KCNN2: variants seen among roughly 807,000 people sequenced by gnomAD.
KCNN2 encodes the protein potassium calcium-activated channel subfamily N member 2.
In KCNN2, 24 loss-of-function variants were observed where a neutral mutation model predicts 55.5. The observed-to-expected ratio is 0.43, with a 90% CI of 0.31 to 0.61. The LOEUF (loss-of-function observed/expected upper bound fraction) is 0.61, where lower values mean the gene tolerates loss of function less well. KCNN2 is among the 20% of genes least tolerant of loss of function. KCNN2 has a pLI of 0.08. For missense variants in KCNN2, 754 were observed against 853.6 expected, an observed-to-expected ratio of 0.88 and a Z score of 1.45; for synonymous variants, 431 against 336.1, an observed-to-expected ratio of 1.28 and a Z score of -3.09.
chr5:114,440,765 A>T (rs1368003909), intron 3 of KCNN2, among the ~76,000 whole-genome samples: 1 of 152,174 alleles, frequency 6.6e-6, no homozygotes, highest in Non-Finnish European at 1.5e-5. Flanking sequence ...AAAGTAATAA[A>T]AATAGAATGT....
intron 2 of KCNN2, among the ~76,000 whole-genome samples, chr5:114,258,969 C>A (rs571023229): frequency 1.3e-5 from 2 of 152,170 alleles, no homozygotes; most frequent in African/African-American, 4.8e-5. Flanking sequence ...CCCCTTAAAG[C>A]GCTAGAAAAG....
At chr5:114,324,867 C>T (rs1561571613) in intron 2 of KCNN2, among the ~76,000 whole-genome samples, 14 of 152,130 alleles carry the variant, frequency 9.2e-5, no homozygotes, top group Admixed American at 7.9e-4. Flanking sequence ...GTTAATGGCT[C>T]TGCTAGTGAG....
At chr5:114,307,733 C>G (rs981706544) in intron 2 of KCNN2, among the ~76,000 whole-genome samples, 1 of 152,108 alleles carries the variant, frequency 6.6e-6, no homozygotes, top group Non-Finnish European at 1.5e-5. Context: ...AACATTTCTA[C>G]CTCCTCAAGC....
intron 2 of KCNN2, among the ~76,000 whole-genome samples, chr5:114,260,589 C>T (rs1755086148): frequency 6.6e-6 from 1 of 152,214 alleles, no homozygotes; most frequent in Non-Finnish European, 1.5e-5. Context: ...TATCCCTGTA[C>T]CTAGCACAGT....
intron 2 of KCNN2, among the ~76,000 whole-genome samples, chr5:114,376,618 T>A (rs1466764805): frequency 1.3e-5 from 2 of 152,244 alleles, no homozygotes; most frequent in Non-Finnish European, 2.9e-5. Flanking sequence ...TTTTCATTAA[T>A]TTGCTCACAT....
At chr5:114,485,165 A>T (rs1762391303) in intron 5 of KCNN2, among the ~76,000 whole-genome samples, 1 of 152,158 alleles carries the variant, frequency 6.6e-6, no homozygotes, top group African/African-American at 2.4e-5. Flanking sequence ...GCTATGTTCC[A>T]TTGCTGTGTT....
chr5:114,167,376 ACTT>A (rs1484052135), intron 1 of KCNN2, among the ~76,000 whole-genome samples: 5 of 152,122 alleles, frequency 3.3e-5, no homozygotes, highest in African/African-American at 1.2e-4. Context: ...TGTTTTTTAA[ACTT>A]CTCTCTCCTC....
chr5:114,396,313 CTAAT>C (rs35182023), intron 2 of KCNN2, among the ~76,000 whole-genome samples: 40,411 of 151,888 alleles, frequency 0.27, 6,088 homozygotes, highest in Non-Finnish European at 0.34. Flanking sequence ...ACTAGGAAAA[CTAAT>C]TAAGAGGGAG....
intron 1 of KCNN2, among the ~76,000 whole-genome samples, chr5:114,176,254 C>A (rs2112548166): frequency 6.6e-6 from 1 of 152,204 alleles, no homozygotes; most frequent in African/African-American, 2.4e-5. Context: ...GCCAAATGTC[C>A]CCTGGAGGGA....
intron 1 of KCNN2, among the ~76,000 whole-genome samples, chr5:114,059,512 T>C (rs1210038621): frequency 6.6e-6 from 1 of 152,198 alleles, no homozygotes; most frequent in Admixed American, 6.5e-5. Context: ...ATGTGTTTTT[T>C]CCCCTAGCAA....
At chr5:114,202,631 G>A (rs1382125549) in intron 1 of KCNN2, among the ~76,000 whole-genome samples, 1 of 135,896 alleles carries the variant, frequency 7.4e-6, no homozygotes, top group Non-Finnish European at 1.5e-5. Context: ...CTGTTGCCCA[G>A]GCTGGAGTGC....
chr5:114,094,484 C>A (rs1423885750), intron 1 of KCNN2, among the ~76,000 whole-genome samples: 1 of 152,142 alleles, frequency 6.6e-6, no homozygotes, highest in Non-Finnish European at 1.5e-5. Context: ...CCTTCATGTC[C>A]CTAGACAGTG....
At position 114,123,399 on chromosome 5, in the gene KCNN2, G is replaced by T. The variant is rs1751864326; in HGVS notation, c.-271+66899G>T. Reference sequence around the variant, plus strand: ...TTTTTTTGAGACAGAGTCTCGCTCTGTTGCCCAGGCTGGAGTGCAGTGGCG... The same window carrying T: ...TTTTTTTGAGACAGAGTCTCGCTCTTTTGCCCAGGCTGGAGTGCAGTGGCG... On this transcript the variant is annotated intron_variant, in intron 1 of 10. Transcript: ENST00000512097. Among the ~76,000 whole-genome samples the T allele has an allele frequency of 8.5e-5, 4 of 47,084 alleles. 1 individual carries two copies. The Admixed American group carries it at 9.7e-4, about 11-fold the overall frequency. 30.9% of individuals were successfully genotyped at this position (47,084 alleles called of 152,430 possible). A position where few individuals can be genotyped will look rare whatever the true frequency, so the allele number is the denominator to read the frequency against.
At chr5:114,264,709 G>C (rs1317041339) in intron 2 of KCNN2, among the ~76,000 whole-genome samples, 1 of 152,154 alleles carries the variant, frequency 6.6e-6, no homozygotes, top group East Asian at 1.9e-4. Flanking sequence ...TGTAGGCCTG[G>C]AATTGAGACC....
At chr5:114,436,773 T>C (rs1041556221) in intron 3 of KCNN2, among the ~76,000 whole-genome samples, 16 of 152,294 alleles carry the variant, frequency 1.1e-4, no homozygotes, top group African/African-American at 3.6e-4. Flanking sequence ...CTAAAATCTA[T>C]AGAAGCTTTG....
At chr5:114,060,371 C>G (rs573181309) in intron 1 of KCNN2, among the ~76,000 whole-genome samples, 2 of 152,374 alleles carry the variant, frequency 1.3e-5, no homozygotes, top group Admixed American at 1.3e-4. Flanking sequence ...CAAATGGATC[C>G]CTTATGTCCC....
intron 1 of KCNN2, among the ~76,000 whole-genome samples, chr5:114,178,039 G>T (rs1214154936): frequency 1.3e-5 from 2 of 152,124 alleles, no homozygotes; most frequent in Non-Finnish European, 2.9e-5. Flanking sequence ...GACAATGAAC[G>T]TCTTCTTAAA....
chr5:114,151,799 T>A (rs1295500619), intron 1 of KCNN2, among the ~76,000 whole-genome samples: 3 of 151,886 alleles, frequency 2.0e-5, no homozygotes, highest in Admixed American at 6.6e-5. Flanking sequence ...TGGAACTGTC[T>A]AGAAAAAAAA....
chr5:114,229,688 TAAAGAAAAC>T (rs1402748455), intron 2 of KCNN2, among the ~76,000 whole-genome samples: 2 of 152,114 alleles, frequency 1.3e-5, no homozygotes, highest in East Asian at 1.9e-4. Flanking sequence ...TACAATTTTT[TAAAGAAAAC>T]AAAGGAAACC....
Sources: allele counts gnomAD v4.1 joint callset (sites outside exome capture counted in the v4.1 genomes callset), GRCh38; gene constraint gnomAD v4.1.1; transcripts MANE v1.5; gene names NCBI Gene and HGNC (gene_info 2026-07-23, HGNC 2026-07-21).